RPTOR: variants seen among roughly 807,000 people sequenced by gnomAD.
RPTOR encodes regulatory associated protein of MTOR complex 1, also known as regulatory-associated protein of mTOR.
A neutral mutation model predicts 169.9 loss-of-function variants in RPTOR; 21 were observed. The observed-to-expected ratio is 0.12, with a 90% confidence interval of 0.09 to 0.18. RPTOR has a LOEUF of 0.18. RPTOR is among the 10% of genes least tolerant of loss of function. The pLI is 1.00. For synonymous variants in RPTOR, 732 were observed against 753.2 expected (o/e 0.97, Z 0.46); for missense variants, 1,133 against 1,855.9 (o/e 0.61, Z 7.16).
chr17:80,954,874 A>T (rs1171888681), intron 28 of RPTOR, among the ~76,000 whole-genome samples: 1 of 152,134 alleles, frequency 6.6e-6, no homozygotes, highest in African/African-American at 2.4e-5. Context: ...CCAAGATCAC[A>T]CCACTGCACT....
chr17:80,551,167 C>T (rs1263992607), intron 1 of RPTOR, among the ~76,000 whole-genome samples: 1 of 152,114 alleles, frequency 6.6e-6, no homozygotes, highest in Non-Finnish European at 1.5e-5. Flanking sequence ...GGATTACAGG[C>T]GTGAGCCATC....
At chr17:80,645,788 G>C (rs1399504744) in intron 3 of RPTOR, among the ~76,000 whole-genome samples, 1 of 152,206 alleles carries the variant, frequency 6.6e-6, no homozygotes, top group African/African-American at 2.4e-5. Context: ...ATGACAGCCA[G>C]AAAGATGACA....
intron 6 of RPTOR, chr17:80,774,144 G>A (rs2066870959): frequency 2.0e-6 from 2 of 985,418 alleles, no homozygotes; most frequent in South Asian, 9.4e-5. Context: ...CGAGGGCGCT[G>A]TGACATCCTG....
At chr17:80,897,457 G>A (rs1326364912) in intron 20 of RPTOR, among the ~76,000 whole-genome samples, 1 of 152,176 alleles carries the variant, frequency 6.6e-6, no homozygotes, top group African/African-American at 2.4e-5. Context: ...GAATTTTCCT[G>A]ATAAATGGAA....
intron 13 of RPTOR, among the ~76,000 whole-genome samples, chr17:80,875,380 A>C (rs1488784165): frequency 6.6e-6 from 1 of 151,058 alleles, no homozygotes; most frequent in African/African-American, 2.4e-5. Context: ...TCTCTTCTTC[A>C]CCTCCCTTTT....
rs771487670 is a variant in RPTOR, at chr17:80,765,372, A to C, written c.830+11187A>C. On this transcript the variant is annotated intron_variant, in intron 6 of 33. Coordinates refer to ENST00000306801, the MANE Select transcript of RPTOR (RefSeq NM_020761.3). Reference sequence around the variant, plus strand: ...ATTTTGACTTTGCACCGTCCAGGTCAAAGGCTTCACTTCTCTCACCTCTGC... The same window carrying C: ...ATTTTGACTTTGCACCGTCCAGGTCCAAGGCTTCACTTCTCTCACCTCTGC... 7.2e-5 allele frequency among the ~76,000 whole-genome samples: 11 copies of C among 152,330 alleles called. 1 individual carries two copies. Among genetic ancestry groups the C allele is most frequent in the Admixed American group, 3.9e-4 (6 of 15,306 alleles).
Position 80,925,348 on chromosome 17 carries a change from C to T in RPTOR, c.2809-22C>T, listed in dbSNP as rs569030042. The T allele has an allele frequency of 8.1e-6, 13 of 1,603,786 alleles. No individual in the cohort carries two copies. In the East Asian group the frequency reaches 2.7e-4, roughly 33 times the overall value. On this transcript the variant is annotated intron_variant, in intron 23 of 33. Transcript: ENST00000306801. ...GACTGGTGTTTCTTTTTCCTTCCAACCCTCCTGCTTAAACCCTGAAGACTG... is the reference window on the plus strand; with the variant it reads ...GACTGGTGTTTCTTTTTCCTTCCAATCCTCCTGCTTAAACCCTGAAGACTG...
chr17:80,896,933 T>C (rs1311315966), intron 20 of RPTOR, among the ~76,000 whole-genome samples: 2 of 152,228 alleles, frequency 1.3e-5, no homozygotes, highest in East Asian at 1.9e-4. Context: ...TTAAGTAATA[T>C]CTTTTTTAAA....
chr17:80,656,519 T>C (rs1231459384), intron 3 of RPTOR, among the ~76,000 whole-genome samples: 1 of 152,240 alleles, frequency 6.6e-6, no homozygotes, highest in African/African-American at 2.4e-5. Context: ...GACTTTCACC[T>C]TTTTACACAA....
chr17:80,952,814 G>T (rs2069197505), intron 28 of RPTOR, among the ~76,000 whole-genome samples: 1 of 150,090 alleles, frequency 6.7e-6, no homozygotes, highest in South Asian at 2.1e-4. Flanking sequence ...GAAGTGCAGA[G>T]CCCAGACCCA....
rs938268819 is a variant in RPTOR at position 80,651,964 on chromosome 17, C to T, written c.348+8154C>T. On this transcript the variant is annotated intron_variant, in intron 3 of 33. Coordinates refer to ENST00000306801, the MANE Select transcript of RPTOR (RefSeq NM_020761.3). This position sits in a 1 kb window ranked among gnomAD's most constrained non-coding sequence, Gnocchi z 4.1. The stretch of plus-strand genomic sequence containing the variant: ...TGGAGCTTGCAGTGAGCTGAGATCA[C>T]GCCACTGCACTCCAGCCTGGGGCGA... 2.3e-4 allele frequency among the ~76,000 whole-genome samples: 35 copies of T among 151,932 alleles called. No individual in the cohort carries two copies. The highest frequency in any genetic ancestry group is 6.3e-4 in the African/African-American group (26 of 41,446).
In RPTOR at chr17:80,964,615, T is replaced by C. The variant is rs2069401868; in HGVS notation, c.*285T>C. On this transcript the variant is annotated 3_prime_UTR_variant, in exon 34 of 34. Coordinates refer to ENST00000306801, the MANE Select transcript of RPTOR (RefSeq NM_020761.3). ...CACGGCGCCTCTGTCCCTCTCCTGTTCTGTGTTTCTCTGAGACGCTGAAAG... is the reference window on the plus strand; with the variant it reads ...CACGGCGCCTCTGTCCCTCTCCTGTCCTGTGTTTCTCTGAGACGCTGAAAG... 2 of 486,726 alleles carry C rather than the reference T, an allele frequency of 4.1e-6. No individual in the cohort carries two copies. The highest frequency in any genetic ancestry group is 3.3e-5 in the East Asian group (1 of 30,038). 30.2% of individuals were successfully genotyped at this position (486,726 alleles called of 1,614,324 possible).
chr17:80,621,278 G>A (rs1435727636), intron 1 of RPTOR, among the ~76,000 whole-genome samples: 1 of 152,192 alleles, frequency 6.6e-6, no homozygotes, highest in African/African-American at 2.4e-5. Flanking sequence ...TTGTGTAAGG[G>A]ACTCAGAGAT....
intron 1 of RPTOR, among the ~76,000 whole-genome samples, chr17:80,552,154 G>C (rs1353543230): frequency 5.9e-5 from 9 of 152,110 alleles, no homozygotes; most frequent in Admixed American, 2.6e-4. Flanking sequence ...GTAACAATCT[G>C]ATCTCTCTTG....
At chr17:80,853,707 G>A (rs556431212) in intron 11 of RPTOR, among the ~76,000 whole-genome samples, 1 of 152,204 alleles carries the variant, frequency 6.6e-6, no homozygotes, top group Admixed American at 6.5e-5. Flanking sequence ...GGCCGGGCAC[G>A]GTGGCTCACG....
intron 1 of RPTOR, among the ~76,000 whole-genome samples, chr17:80,599,911 A>G (rs929605418): frequency 1.3e-5 from 2 of 152,218 alleles, no homozygotes; most frequent in Non-Finnish European, 2.9e-5. Flanking sequence ...CAGAAAATTC[A>G]AAGTGCCACC....
At chr17:80,894,784 G>A (rs1325143518) in intron 20 of RPTOR, among the ~76,000 whole-genome samples, 1 of 151,488 alleles carries the variant, frequency 6.6e-6, no homozygotes, top group Non-Finnish European at 1.5e-5. Flanking sequence ...TGTGTGTGTT[G>A]TGTTCCCAGC....
At chr17:80,962,318 G>T in intron 31 of RPTOR, 143 bp from the exon 32 acceptor site, 1 of 687,184 alleles carries the variant, frequency 1.5e-6, no homozygotes, top group South Asian at 1.8e-5. Flanking sequence ...CACTGGGGAC[G>T]CTGAGCATCC....
At position 80,722,007 on chromosome 17, in the gene RPTOR, T is replaced by C. The variant is rs145896326; in HGVS notation, c.508-8553T>C. On this transcript the variant is annotated intron_variant, in intron 4 of 33. Transcript: ENST00000306801. ...TGGAAGTGCATTCTTTGTTATCTCA[T>C]ATGTAAGATGAGGCTTTTAACACGA... is the stretch of plus-strand genomic sequence containing the variant. Among the ~76,000 whole-genome samples the C allele has an allele frequency of 2.8e-3, 430 of 151,424 alleles. 6 individuals are homozygous for C. Among genetic ancestry groups the C allele is most frequent in the Admixed American group, 5.8e-3 (88 of 15,278 alleles).
Sources: allele counts gnomAD v4.1 joint callset (sites outside exome capture counted in the v4.1 genomes callset), GRCh38; gene constraint gnomAD v4.1.1; non-coding constraint Gnocchi (gnomAD v3.1); transcripts MANE v1.5; gene names NCBI Gene and HGNC (gene_info 2026-07-23, HGNC 2026-07-21).